PLEKHH2: variants seen among roughly 807,000 people sequenced by gnomAD.
PLEKHH2 encodes pleckstrin homology domain-containing family H member 2.
Under a neutral mutation model 187.9 loss-of-function variants are expected in PLEKHH2, and 129 were observed. The ratio of observed to expected loss-of-function variants is 0.69; its 90% CI spans 0.59 to 0.79. PLEKHH2 has a LOEUF of 0.79. PLEKHH2 is among the 30% of genes least tolerant of loss of function. PLEKHH2 has a pLI of 0.00. For synonymous variants in PLEKHH2, 686 were observed against 605.6 expected (o/e 1.13, Z -1.95); for missense variants, 2,076 against 1,751.2 (o/e 1.19, Z -3.31).
At chr2:43,651,433 C>T (rs912265979) in intron 2 of PLEKHH2, among the ~76,000 whole-genome samples, 2 of 152,140 alleles carry the variant, frequency 1.3e-5, no homozygotes, top group Non-Finnish European at 2.9e-5. Flanking sequence ...GTGATAAGTT[C>T]CCTGATAACA....
rs70965316 is a variant in PLEKHH2, at chr2:43,693,723, C to CA, written c.337-691dup. Among the ~76,000 whole-genome samples the CA allele has an allele frequency of 8.0e-3, 555 of 69,548 alleles. 21 individuals are homozygous for CA. Among genetic ancestry groups the CA allele is most frequent in the African/African-American group, 0.027 (412 of 15,096 alleles). The allele number at this position is 69,548 out of a possible 152,430, so 45.6% of individuals were successfully genotyped here. A position where few individuals can be genotyped will look rare whatever the true frequency, so the allele number is the denominator to read the frequency against. ...TGGGCGACTGAGCGAGACTCCATCT[C>CA]AAAAAAAAAAAAAAAAAGGAAAAAA... On this transcript the variant is annotated intron_variant, in intron 4 of 29. Transcript: ENST00000282406.
chr2:43,726,201 G>A (rs1257936526), intron 16 of PLEKHH2, 71 bp from the exon 17 acceptor site: 2 of 1,001,998 alleles, frequency 2.0e-6, no homozygotes, highest in African/African-American at 1.7e-5. Context: ...AAAATGAAAA[G>A]GACTATGAAA....
intron 19 of PLEKHH2, among the ~76,000 whole-genome samples, chr2:43,736,223 C>T (rs1044956840): frequency 6.6e-6 from 1 of 151,902 alleles, no homozygotes; most frequent in Non-Finnish European, 1.5e-5. Flanking sequence ...GTGAGAGGTA[C>T]AAAATAAGCA....
In PLEKHH2 at chr2:43,654,711, C is replaced by A. The variant is rs529197426; in HGVS notation, c.123+9915C>A. ...TGGGCAACATAGTAAGACACCCCCC[C>A]CCCCCGCATCTCTACCAAAAAATTA... On this transcript the variant is annotated intron_variant, in intron 2 of 29. Transcript: ENST00000282406. 3.3e-4 allele frequency among the ~76,000 whole-genome samples: 47 copies of A among 143,502 alleles called. No individual in the cohort carries two copies. The East Asian group carries it at 4.4e-3, about 13-fold the overall frequency. The allele number at this position is 143,502 out of a possible 152,430, so 94.1% of individuals were successfully genotyped here.
chr2:43,756,888 G>T (rs774652272), intron 25 of PLEKHH2, among the ~76,000 whole-genome samples: 6 of 152,054 alleles, frequency 3.9e-5, no homozygotes, highest in Non-Finnish European at 5.9e-5. Flanking sequence ...GGCAGAGGTT[G>T]CAATGAGCCT....
At chr2:43,750,056 T>C (rs1386559732) in intron 24 of PLEKHH2, among the ~76,000 whole-genome samples, 3 of 152,248 alleles carry the variant, frequency 2.0e-5, no homozygotes, top group Non-Finnish European at 4.4e-5. Flanking sequence ...TTTGAAGTTG[T>C]AAGAGCCAAG....
intron 28 of PLEKHH2, 88 bp downstream of exon 28, chr2:43,762,478 G>T: frequency 9.9e-7 from 1 of 1,009,786 alleles, no homozygotes; most frequent in Non-Finnish European, 1.5e-6. Context: ...ATCTTAATCT[G>T]ATTTTTCTCT....
chr2:43,645,735 T>C (rs999121632), intron 2 of PLEKHH2, among the ~76,000 whole-genome samples: 1 of 152,152 alleles, frequency 6.6e-6, no homozygotes, highest in African/African-American at 2.4e-5. Context: ...AACGTGTGTA[T>C]TAGAAAATTT....
chr2:43,658,898 G>A (rs1666921830), intron 2 of PLEKHH2: 1 of 152,022 alleles, frequency 6.6e-6, no homozygotes, highest in African/African-American at 2.4e-5. Context: ...TTTAGAGGCT[G>A]GCTACTGAAC....
At chr2:43,718,212 G>C (rs1015490218) in intron 15 of PLEKHH2, among the ~76,000 whole-genome samples, 24 of 152,138 alleles carry the variant, frequency 1.6e-4, no homozygotes, top group Non-Finnish European at 3.2e-4. Context: ...AGTATAATTT[G>C]TTTTCTAGTT....
At chr2:43,760,607 C>G (rs952214949) in intron 27 of PLEKHH2, among the ~76,000 whole-genome samples, 4 of 152,182 alleles carry the variant, frequency 2.6e-5, no homozygotes, top group Middle Eastern at 3.2e-3. Flanking sequence ...AAGTGATCCA[C>G]CCGCCTCGGC....
chr2:43,697,986 T>G (rs555238274), intron 7 of PLEKHH2, among the ~76,000 whole-genome samples: 81 of 152,170 alleles, frequency 5.3e-4, no homozygotes, highest in Non-Finnish European at 6.5e-4. Context: ...TCCATCTAAA[T>G]TTTGCTTTGT....
chr2:43,729,983 T>G (rs1219201354), intron 18 of PLEKHH2, among the ~76,000 whole-genome samples: 12 of 152,114 alleles, frequency 7.9e-5, no homozygotes, highest in Non-Finnish European at 1.5e-5. Flanking sequence ...CCACTGCTCC[T>G]CTGCTTGGAA....
rs1672646963 is a variant in PLEKHH2, at chr2:43,767,035, G to C, written c.*1437G>C. The C allele has an allele frequency of 6.5e-6, 1 of 152,750 alleles. No homozygotes were observed. The allele number at this position is 152,750 out of a possible 1,614,324, so 9.5% of individuals were successfully genotyped here. ...GTGCATTCCAGTATGTGTCACAACA[G>C]TGTAGTTCATATTCATGATAAAAAT... On this transcript the variant is annotated 3_prime_UTR_variant, in exon 30 of 30. Coordinates refer to ENST00000282406, the MANE Select transcript of PLEKHH2 (RefSeq NM_172069.4).
intron 27 of PLEKHH2, 135 bp from the exon 28 acceptor site, chr2:43,762,169 T>A: frequency 1.5e-6 from 1 of 661,492 alleles, no homozygotes; most frequent in South Asian, 2.1e-5. Flanking sequence ...GCCTCTTTCC[T>A]AGGCGAGATT....
chr2:43,690,005 A>G (rs1668715563), intron 3 of PLEKHH2, among the ~76,000 whole-genome samples: 1 of 152,146 alleles, frequency 6.6e-6, no homozygotes, highest in African/African-American at 2.4e-5. Flanking sequence ...ATTTATTTTT[A>G]TTCTTACTCA....
chr2:43,727,142 G>A (rs369243628), intron 17 of PLEKHH2, among the ~76,000 whole-genome samples: 7 of 152,138 alleles, frequency 4.6e-5, no homozygotes, highest in East Asian at 3.8e-4. Context: ...GGCTGGGTGC[G>A]GTGACTCACG....
chr2:43,715,360 C>T (rs1483398038), intron 15 of PLEKHH2, among the ~76,000 whole-genome samples: 1 of 152,078 alleles, frequency 6.6e-6, no homozygotes, highest in Non-Finnish European at 1.5e-5. Flanking sequence ...GCTAGAGGGG[C>T]CTATGGATGG....
In PLEKHH2 at chr2:43,712,214, T is replaced by A; in HGVS notation, c.2302-11T>A. 1 of 1,610,618 alleles carries A rather than the reference T, an allele frequency of 6.2e-7. No homozygotes were observed. Among genetic ancestry groups the A allele is most frequent in the Non-Finnish European group, 8.5e-7 (1 of 1,176,844 alleles). On this transcript the variant is annotated splice_polypyrimidine_tract_variant and intron_variant, in intron 14 of 29. Coordinates refer to ENST00000282406, the MANE Select transcript of PLEKHH2 (RefSeq NM_172069.4). ...AGTTTTCTTTCCTATACCTTTCTCG[T>A]TGCATTCTAGTTGACCACTGAAAAA...
Sources: gnomAD v4.1 joint callset for allele counts (sites outside exome capture counted in the v4.1 genomes callset) on GRCh38, gnomAD v4.1.1 for gene constraint, MANE v1.5 for transcripts, NCBI Gene and HGNC (gene_info 2026-07-23, HGNC 2026-07-21) for gene names.